ATOSA: variants seen among roughly 807,000 people sequenced by gnomAD.
ATOSA encodes atos homolog protein A.
chr15:52,614,357 C>T, the ATOSA span, among the ~76,000 whole-genome samples: 15 of 151,576 alleles, frequency 9.9e-5, no homozygotes, highest in African/African-American at 2.9e-4. Flanking sequence ...CCACCCGCCT[C>T]GGCCTCCCAA....
chr15:52,685,506 T>G, the ATOSA span, among the ~76,000 whole-genome samples: 1 of 151,986 alleles, frequency 6.6e-6, no homozygotes, highest in South Asian at 2.1e-4. Context: ...TGATCTTGGC[T>G]TGCTGCAACC....
the ATOSA span, chr15:52,611,762 G>A: frequency 2.5e-6 from 4 of 1,613,896 alleles, no homozygotes; most frequent in Non-Finnish European, 3.4e-6. Context: ...GACCTAGTTC[G>A]TCTGGCTTGG....
chr15:52,593,459 T>A, the ATOSA span: 1 of 935,006 alleles, frequency 1.1e-6, no homozygotes. Flanking sequence ...TTTGGCATAT[T>A]AGTTTGTATT....
At chr15:52,587,040 C>T in the ATOSA span, 1 of 1,571,980 alleles carries the variant, frequency 6.4e-7, no homozygotes, top group Non-Finnish European at 8.6e-7. Flanking sequence ...AAAGCTGCAG[C>T]CCCACTGTTA....
chr15:52,632,117 A>T, the ATOSA span, among the ~76,000 whole-genome samples: 2 of 152,216 alleles, frequency 1.3e-5, no homozygotes, highest in East Asian at 3.8e-4. Context: ...ATACCCATTA[A>T]CTAAAAACAT....
chr15:52,706,217 T>C, the ATOSA span, among the ~76,000 whole-genome samples: 3 of 152,188 alleles, frequency 2.0e-5, no homozygotes, highest in Non-Finnish European at 4.4e-5. Context: ...GTGAGAACTA[T>C]AACAATACAA....
the ATOSA span, chr15:52,609,164 T>C: frequency 6.2e-7 from 1 of 1,613,462 alleles, no homozygotes; most frequent in Non-Finnish European, 8.5e-7. Flanking sequence ...TGACACTGAT[T>C]TCTTGTTTGA....
chr15:52,639,756 A>G, the ATOSA span, among the ~76,000 whole-genome samples: 1 of 151,958 alleles, frequency 6.6e-6, no homozygotes, highest in Non-Finnish European at 1.5e-5. Flanking sequence ...TGTGGTGAAT[A>G]TTTATTTTTT....
At chr15:52,667,840 A>G in the ATOSA span, among the ~76,000 whole-genome samples, 2 of 152,222 alleles carry the variant, frequency 1.3e-5, no homozygotes, top group African/African-American at 4.8e-5. Flanking sequence ...GAGAAATGCA[A>G]ATCAAAACCA....
At chr15:52,650,017 T>C in the ATOSA span, among the ~76,000 whole-genome samples, 1 of 152,188 alleles carries the variant, frequency 6.6e-6, no homozygotes, top group Non-Finnish European at 1.5e-5. Context: ...TCTATTAATT[T>C]TTATGAAATA....
the ATOSA span, among the ~76,000 whole-genome samples, chr15:52,582,659 C>G: frequency 6.6e-6 from 1 of 152,168 alleles, no homozygotes; most frequent in Admixed American, 6.5e-5. Flanking sequence ...TCACATTACT[C>G]AATAACATTA....
the ATOSA span, among the ~76,000 whole-genome samples, chr15:52,594,457 A>G: frequency 6.6e-6 from 1 of 152,214 alleles, no homozygotes; most frequent in Non-Finnish European, 1.5e-5. Flanking sequence ...ATCAACACAT[A>G]TATGTATACA....
At chr15:52,599,595 A>G in the ATOSA span, among the ~76,000 whole-genome samples, 2 of 152,188 alleles carry the variant, frequency 1.3e-5, no homozygotes, top group African/African-American at 4.8e-5. Context: ...ATTACAGACA[A>G]TTGAAACCCA....
chr15:52,658,970 G>T, the ATOSA span, among the ~76,000 whole-genome samples: 1 of 151,966 alleles, frequency 6.6e-6, no homozygotes, highest in Non-Finnish European at 1.5e-5. Flanking sequence ...GGGCAACAGG[G>T]CAAGAACCTG....
chr15:52,708,100 C>A, the ATOSA span, among the ~76,000 whole-genome samples: 2 of 152,082 alleles, frequency 1.3e-5, no homozygotes, highest in Non-Finnish European at 2.9e-5. Flanking sequence ...TAAATTAGAA[C>A]TGTAGTAAAT....
At chr15:52,608,496 A>G in the ATOSA span, 1 of 1,457,838 alleles carries the variant, frequency 6.9e-7, no homozygotes, top group Non-Finnish European at 9.1e-7. Flanking sequence ...TTATAACCAG[A>G]TCTCCTGTGA....
chr15:52,651,250 CT>C, the ATOSA span, among the ~76,000 whole-genome samples: 1 of 152,140 alleles, frequency 6.6e-6, no homozygotes, highest in Admixed American at 6.6e-5. Context: ...ACTACACTGA[CT>C]TTGCGGTTGA....
the ATOSA span, among the ~76,000 whole-genome samples, chr15:52,645,001 A>G: frequency 6.6e-6 from 1 of 152,264 alleles, no homozygotes; most frequent in African/African-American, 2.4e-5. Flanking sequence ...AGAGTAGAAA[A>G]AAGAAGTATT....
At chr15:52,593,768 TAAAA>T in the ATOSA span, 4 of 1,515,250 alleles carry the variant, frequency 2.6e-6, no homozygotes, top group Middle Eastern at 1.7e-4. Flanking sequence ...AAAACTCAAT[TAAAA>T]AAGCTAACAC....
Sources: allele counts gnomAD v4.1 joint callset (sites outside exome capture counted in the v4.1 genomes callset), GRCh38; gene constraint gnomAD v4.1.1; transcripts MANE v1.5; gene names NCBI Gene and HGNC (gene_info 2026-07-23, HGNC 2026-07-21).